The following CYP24A1 variants were observed in gnomAD, a reference collection of about 807,000 sequenced individuals.
CYP24A1 encodes the protein cytochrome P450 family 24 subfamily A member 1, also known as 1,25-dihydroxyvitamin D(3) 24-hydroxylase, mitochondrial.
CYP24A1 carries 68 observed loss-of-function variants against 62.4 expected under a neutral mutation model. The ratio of observed to expected loss-of-function variants is 1.09; its 90% CI spans 0.90 to 1.33. CYP24A1 has a LOEUF of 1.33. CYP24A1 is among the 40% of genes most tolerant of loss of function. CYP24A1 has a pLI of 0.00. For synonymous variants in CYP24A1, 267 were observed against 253.0 expected, an observed-to-expected ratio of 1.06 and a Z score of -0.52; for missense variants, 787 against 653.0, an observed-to-expected ratio of 1.21 and a Z score of -2.24.
the CYP24A1 span, among the ~76,000 whole-genome samples, chr20:54,145,970 G>A: frequency 0.67 from 101,828 of 152,100 alleles, 35,389 homozygotes; most frequent in African/African-American, 0.86. Context: ...AGAAATAACT[G>A]GTATTAGCAG....
downstream of CYP24A1, among the ~76,000 whole-genome samples, chr20:54,152,702 G>T (rs2092614533): frequency 6.6e-6 from 1 of 152,216 alleles, no homozygotes; most frequent in South Asian, 2.1e-4. Context: ...GGATGATGTG[G>T]GCTGAGGCCT....
intron 6 of CYP24A1, 33 bp downstream of exon 6, chr20:54,164,419 G>A: frequency 6.2e-7 from 1 of 1,613,880 alleles, no homozygotes; most frequent in East Asian, 2.2e-5. Context: ...GTGCTGGGCT[G>A]GTTCTGGCTG....
the CYP24A1 span, among the ~76,000 whole-genome samples, chr20:54,147,168 C>T: frequency 6.6e-6 from 1 of 152,220 alleles, no homozygotes; most frequent in Non-Finnish European, 1.5e-5. Context: ...AGATACTTAA[C>T]TTCTCTAAGC....
At chr20:54,164,944 G>A (rs764199673) in intron 5 of CYP24A1, among the ~76,000 whole-genome samples, 28 of 151,728 alleles carry the variant, frequency 1.8e-4, no homozygotes, top group Non-Finnish European at 2.4e-4. Flanking sequence ...CTATCTACAC[G>A]CCACCCAAAC....
chr20:54,145,578 T>C, the CYP24A1 span, among the ~76,000 whole-genome samples: 1 of 148,742 alleles, frequency 6.7e-6, no homozygotes, highest in Admixed American at 6.8e-5. Flanking sequence ...AGGCGGAGGT[T>C]GCAGTGAGCC....
At chr20:54,168,846 T>TTCCTTCCTTCCTTCCTTC (rs2092682954) in intron 4 of CYP24A1, among the ~76,000 whole-genome samples, 4 of 43,436 alleles carry the variant, frequency 9.2e-5, no homozygotes, top group Non-Finnish European at 1.7e-4. Flanking sequence ...CTCCCTCCCT[T>TTCCTTCCTTCCTTCCTTC]CTTCCTTCCT....
Position 54,173,733 on chromosome 20 carries a change from A to G in CYP24A1, c.-154T>C, listed in dbSNP as rs75209626. The G allele has an allele frequency of 3.2e-6, 2 of 620,414 alleles. No individual in the cohort carries two copies. Among genetic ancestry groups the G allele is most frequent in the Non-Finnish European group, 5.7e-6 (2 of 350,338 alleles). 38.4% of individuals were successfully genotyped at this position (620,414 alleles called of 1,614,324 possible). The stretch of plus-strand genomic sequence containing the variant: ...TGGAGCGGGGTGAGGCGGGACAGGC[A>G]GCAGAAAGGACCTCGGCGAGGATGC... On this transcript the variant is annotated 5_prime_UTR_variant, in exon 1 of 12. Transcript: ENST00000216862. This position sits in a 1 kb window ranked among gnomAD's most constrained non-coding sequence, Gnocchi z 7.2.
intron 4 of CYP24A1, 115 bp downstream of exon 4, chr20:54,169,476 CT>C: frequency 6.4e-7 from 1 of 1,566,742 alleles, no homozygotes; most frequent in African/African-American, 1.4e-5. Flanking sequence ...AAGGGCTGCT[CT>C]GGCCTTTCCC....
At chr20:54,155,082 T>C (rs1432818978) in intron 11 of CYP24A1, 1 of 151,400 alleles carries the variant, frequency 6.6e-6, no homozygotes, top group Non-Finnish European at 1.5e-5. Flanking sequence ...CTTACTGTGA[T>C]AAACATGCAT....
the CYP24A1 span, among the ~76,000 whole-genome samples, chr20:54,144,356 C>T: frequency 4.6e-5 from 7 of 151,896 alleles, no homozygotes; most frequent in South Asian, 1.2e-3. Flanking sequence ...CTCAAGTGAT[C>T]CTCCTACCTC....
chr20:54,160,812 C>T (rs183015805), intron 7 of CYP24A1, among the ~76,000 whole-genome samples: 35 of 152,252 alleles, frequency 2.3e-4, no homozygotes, highest in African/African-American at 7.9e-4. Flanking sequence ...ACCAAAGCCA[C>T]GTAAGGCAGT....
intron 6 of CYP24A1, among the ~76,000 whole-genome samples, chr20:54,163,230 C>A (rs2092659263): frequency 6.6e-6 from 1 of 152,062 alleles, no homozygotes; most frequent in Non-Finnish European, 1.5e-5. Context: ...GAGTTTAGAT[C>A]TTGGGAGAAA....
chr20:54,153,270 T>G (rs1368618350), downstream of CYP24A1, among the ~76,000 whole-genome samples: 1 of 152,180 alleles, frequency 6.6e-6, no homozygotes. Flanking sequence ...GGAAAGTTAT[T>G]TTGCAATTAC....
chr20:54,171,752 G>A, intron 2 of CYP24A1, 82 bp from the exon 3 acceptor site: 1 of 1,611,636 alleles, frequency 6.2e-7, no homozygotes, highest in South Asian at 1.1e-5. Context: ...GCAACTTCAG[G>A]AACCATAAAA....
chr20:54,166,552 A>G (rs1427838070), intron 4 of CYP24A1, among the ~76,000 whole-genome samples: 1 of 152,176 alleles, frequency 6.6e-6, no homozygotes, highest in Non-Finnish European at 1.5e-5. Context: ...TTGAGCTCTC[A>G]GGTCACTTCA....
At chr20:54,162,185 A>G (rs1231905358) in intron 7 of CYP24A1, among the ~76,000 whole-genome samples, 2 of 146,834 alleles carry the variant, frequency 1.4e-5, no homozygotes, top group Non-Finnish European at 3.0e-5. Flanking sequence ...AATTCTAAGC[A>G]GATAAAAATA....
intron 6 of CYP24A1, among the ~76,000 whole-genome samples, chr20:54,164,055 C>T (rs2092662155): frequency 1.3e-5 from 2 of 152,294 alleles, no homozygotes; most frequent in South Asian, 4.2e-4. Flanking sequence ...CCTGCCTCAG[C>T]CTCCTGAGTA....
chr20:54,156,373 G>A (rs2092627938), intron 11 of CYP24A1, among the ~76,000 whole-genome samples: 1 of 152,206 alleles, frequency 6.6e-6, no homozygotes, highest in South Asian at 2.1e-4. Context: ...GATTCAAAGT[G>A]TGAGAGGGAC....
At chr20:54,151,757 A>G (rs2762931), downstream of CYP24A1, among the ~76,000 whole-genome samples, 90,497 of 151,676 alleles carry the variant, frequency 0.6, 27,697 homozygotes, top group African/African-American at 0.73. Flanking sequence ...AGAGATGAGC[A>G]GTACATGACG....
Sources: allele counts gnomAD v4.1 joint callset (sites outside exome capture counted in the v4.1 genomes callset), GRCh38; gene constraint gnomAD v4.1.1; non-coding constraint Gnocchi (gnomAD v3.1); transcripts MANE v1.5; gene names NCBI Gene and HGNC (gene_info 2026-07-23, HGNC 2026-07-21).